Variants in AHCYL2 observed in about 807,000 individuals in gnomAD.
AHCYL2 encodes the protein adenosylhomocysteinase like 2.
In AHCYL2, 28 loss-of-function variants were observed where a neutral mutation model predicts 81.4. The ratio of observed to expected loss-of-function variants is 0.34; its 90% CI spans 0.25 to 0.47. AHCYL2 has a LOEUF of 0.47. Among genes scored for constraint, AHCYL2 ranks in the 20% least tolerant of loss-of-function variants. AHCYL2 has a pLI of 1.00. For missense variants in AHCYL2, 551 were observed against 785.1 expected (o/e 0.70, Z 3.56); for synonymous variants, 272 against 290.2 (o/e 0.94, Z 0.64).
intron 12 of AHCYL2, among the ~76,000 whole-genome samples, chr7:129,420,442 C>A (rs890274200): frequency 1.3e-5 from 2 of 151,800 alleles, no homozygotes; most frequent in South Asian, 4.2e-4. Context: ...CTTTGTATAT[C>A]CTTAACTTCT....
chr7:129,386,675 A>G (rs1185110592), intron 2 of AHCYL2, among the ~76,000 whole-genome samples: 1 of 151,946 alleles, frequency 6.6e-6, no homozygotes, highest in Non-Finnish European at 1.5e-5. Flanking sequence ...TTAAGGGGAA[A>G]TTTTCAAATT....
intron 1 of AHCYL2, among the ~76,000 whole-genome samples, chr7:129,308,739 G>A (rs578133476): frequency 6.6e-6 from 1 of 152,250 alleles, no homozygotes; most frequent in African/African-American, 2.4e-5. Flanking sequence ...TTTCAAAAAA[G>A]AAACTATCAT....
At chr7:129,389,016 A>AT (rs35404531) in intron 2 of AHCYL2, 40 bp from the exon 3 acceptor site, 3,680 of 1,363,826 alleles carry the variant, frequency 2.7e-3, no homozygotes, top group Middle Eastern at 4.4e-3. Flanking sequence ...TAGAGGAAGC[A>AT]TTTTTTTTTT....
At chr7:129,361,673 C>T (rs1793935215) in intron 1 of AHCYL2, among the ~76,000 whole-genome samples, 1 of 152,028 alleles carries the variant, frequency 6.6e-6, no homozygotes, top group Non-Finnish European at 1.5e-5. Flanking sequence ...TTCTATCTCC[C>T]AGACAGAGTG....
chr7:129,345,657 C>CA (rs1352640082), intron 1 of AHCYL2, among the ~76,000 whole-genome samples: 1 of 151,986 alleles, frequency 6.6e-6, no homozygotes, highest in East Asian at 1.9e-4. Flanking sequence ...TCAAGATGGA[C>CA]AGGAAATCTA....
chr7:129,427,216 G>A lies in AHCYL2; in HGVS notation c.*171G>A. The A allele has an allele frequency of 1.5e-6, 1 of 667,060 alleles. No homozygotes were observed. The highest frequency in any genetic ancestry group is 2.5e-6 in the Non-Finnish European group (1 of 408,024). The allele number at this position is 667,060 out of a possible 1,614,324, so 41.3% of individuals were successfully genotyped here. On this transcript the variant is annotated 3_prime_UTR_variant, in exon 17 of 17. Coordinates refer to ENST00000325006, the MANE Select transcript of AHCYL2 (RefSeq NM_015328.4). The surrounding 1 kb of genome is among the most constrained non-coding windows in gnomAD (Gnocchi z 5.5). ...AAATCAAGAATCCTGTGCCTGTAGTGTTGGCCCAGAGTGTGGTTACTGCCC... is the reference window on the plus strand; with the variant it reads ...AAATCAAGAATCCTGTGCCTGTAGTATTGGCCCAGAGTGTGGTTACTGCCC...
At chr7:129,251,575 A>G (rs1415891500) in intron 1 of AHCYL2, among the ~76,000 whole-genome samples, 1 of 152,124 alleles carries the variant, frequency 6.6e-6, no homozygotes, top group African/African-American at 2.4e-5. Context: ...TTTGAAACAC[A>G]TCTCGCCTCC....
In AHCYL2 at chr7:129,381,771, G is replaced by A. The variant is rs182187060; in HGVS notation, c.475+2022G>A. ...CCACTGTCCTGGTTACCCTCATCTG[G>A]ATCTATTTCAGATTAGGTATCATTT... is the stretch of plus-strand genomic sequence containing the variant. On this transcript the variant is annotated intron_variant, in intron 2 of 16. Transcript: ENST00000325006. Among the ~76,000 whole-genome samples, 261 of 152,074 alleles carry A rather than the reference G, an allele frequency of 1.7e-3. 8 individuals are homozygous for A. Among genetic ancestry groups the A allele is most frequent in the Non-Finnish European group, 3.5e-4 (24 of 67,978 alleles).
chr7:129,273,349 A>T (rs1796085633), intron 1 of AHCYL2, among the ~76,000 whole-genome samples: 2 of 57,698 alleles, frequency 3.5e-5, no homozygotes, highest in African/African-American at 6.8e-5. Flanking sequence ...TTTTTTTGAG[A>T]CGGAGTTTCG....
intron 6 of AHCYL2, among the ~76,000 whole-genome samples, 174 bp from the exon 7 acceptor site, chr7:129,403,205 G>A (rs986565254): frequency 8.5e-5 from 13 of 152,118 alleles, no homozygotes; most frequent in Non-Finnish European, 1.5e-4. Flanking sequence ...TCAATATAAT[G>A]ACTATTTGGC....
At chr7:129,346,622 T>C (rs931304800) in intron 1 of AHCYL2, among the ~76,000 whole-genome samples, 2 of 152,154 alleles carry the variant, frequency 1.3e-5, no homozygotes, top group African/African-American at 4.8e-5. Context: ...TTCAGAACAC[T>C]GATAACACCA....
At chr7:129,328,669 A>G (rs1041639116) in intron 1 of AHCYL2, among the ~76,000 whole-genome samples, 1 of 152,030 alleles carries the variant, frequency 6.6e-6, no homozygotes, top group African/African-American at 2.4e-5. Context: ...TATTTTTAGT[A>G]GAGATAGGGT....
intron 12 of AHCYL2, among the ~76,000 whole-genome samples, chr7:129,418,582 A>C (rs1452977215): frequency 6.6e-6 from 1 of 152,122 alleles, no homozygotes; most frequent in Admixed American, 6.5e-5. Flanking sequence ...TACAGGCATG[A>C]GCCACCGCGC....
At chr7:129,375,674 T>C in intron 1 of AHCYL2, 1 of 1,377,670 alleles carries the variant, frequency 7.3e-7, no homozygotes, top group South Asian at 1.9e-5. Context: ...AGAAATGCCT[T>C]ATTAAATTGG....
chr7:129,392,967 C>T (rs184614777), intron 4 of AHCYL2, among the ~76,000 whole-genome samples: 119 of 152,302 alleles, frequency 7.8e-4, no homozygotes, highest in African/African-American at 2.7e-3. Context: ...TCAGGCTATA[C>T]ATCTATGGTG....
At chr7:129,263,277 A>G (rs971023873) in intron 1 of AHCYL2, among the ~76,000 whole-genome samples, 2 of 152,178 alleles carry the variant, frequency 1.3e-5, no homozygotes, top group Non-Finnish European at 2.9e-5. Flanking sequence ...CTTGTATTAG[A>G]GATAAATAAG....
intron 1 of AHCYL2, among the ~76,000 whole-genome samples, chr7:129,238,866 T>C (rs1197970160): frequency 1.3e-5 from 2 of 151,824 alleles, no homozygotes; most frequent in Non-Finnish European, 2.9e-5. Flanking sequence ...GGCAGGAAAA[T>C]CGCTTGAATC....
At chr7:129,315,988 A>G (rs1001623430) in intron 1 of AHCYL2, among the ~76,000 whole-genome samples, 6 of 152,222 alleles carry the variant, frequency 3.9e-5, no homozygotes, top group African/African-American at 1.2e-4. Flanking sequence ...AGAAAAAACT[A>G]AATGAAACCC....
Position 129,225,054 on chromosome 7 carries a change from C to T in AHCYL2, c.-23C>T, listed in dbSNP as rs745479924. 1.3e-4 allele frequency: 201 copies of T among 1,573,796 alleles called. No homozygotes were observed. The highest frequency in any genetic ancestry group is 3.3e-4 in the Admixed American group (18 of 54,012). ...CAAGAGCAGGAGCTGGAGTCTGAGC[C>T]GGTGGTTGCAGCGGAGGCGGTGATG... On this transcript the variant is annotated 5_prime_UTR_variant, in exon 1 of 17. Coordinates refer to ENST00000325006, the MANE Select transcript of AHCYL2 (RefSeq NM_015328.4).
Sources: gnomAD v4.1 joint callset for allele counts (sites outside exome capture counted in the v4.1 genomes callset) on GRCh38, gnomAD v4.1.1 for gene constraint, Gnocchi (gnomAD v3.1) non-coding constraint, MANE v1.5 for transcripts, NCBI Gene and HGNC (gene_info 2026-07-23, HGNC 2026-07-21) for gene names.